Variants in NUP62CL observed in about 807,000 individuals in gnomAD.
The protein encoded by NUP62CL is nucleoporin 62 C-terminal like, also known as nucleoporin-62 C-terminal-like protein.
A neutral mutation model predicts 15.3 loss-of-function variants in NUP62CL; 13 were observed. The observed-to-expected ratio is 0.85, with a 90% CI of 0.55 to 1.35. NUP62CL has a LOEUF of 1.35. Ranked by LOEUF, NUP62CL falls within the 40% of genes most tolerant of loss-of-function variation. The probability of loss-of-function intolerance (pLI) is 0.00; values close to 1 mark genes in which losing one functional copy is unlikely to be tolerated. For missense variants in NUP62CL, 123 were observed against 130.6 expected (o/e 0.94, Z 0.28); for synonymous variants, 54 against 49.2 (o/e 1.10, Z -0.41).
Position 107,145,276 on chromosome X carries a change from G to T in NUP62CL, c.*42+2467C>A, listed in dbSNP as rs749380589. Among the ~76,000 whole-genome samples, 35 of 110,880 alleles carry T rather than the reference G, an allele frequency of 3.2e-4. No homozygotes were observed. In the East Asian group the frequency reaches 9.3e-3, roughly 29 times the overall value. ...ATTAATGCAGAAAATGAAAAATCTAGCATGCCAAATAATAAAATTTGTATT... is the reference window on the plus strand; with the variant it reads ...ATTAATGCAGAAAATGAAAAATCTATCATGCCAAATAATAAAATTTGTATT... On this transcript the variant is annotated intron_variant, in intron 8 of 8. Transcript: ENST00000372466.
At chrX:107,157,653 G>A (rs1479030226) in intron 4 of NUP62CL, among the ~76,000 whole-genome samples, 25 of 107,642 alleles carry the variant, frequency 2.3e-4, no homozygotes, top group East Asian at 1.8e-3. Context: ...AGGAACAACC[G>A]GTACCAGCCG....
At chrX:107,181,499 G>GA (rs1474662500) in intron 2 of NUP62CL, among the ~76,000 whole-genome samples, 1 of 109,830 alleles carries the variant, frequency 9.1e-6, no homozygotes, top group Non-Finnish European at 1.9e-5. Flanking sequence ...TACAGGAAAA[G>GA]AATAAATTTA....
Position 107,124,314 on chromosome X carries a change from A to G in NUP62CL, c.*61T>C, listed in dbSNP as rs754713890. On this transcript the variant is annotated 3_prime_UTR_variant, in exon 9 of 9. Coordinates refer to ENST00000372466, the MANE Select transcript of NUP62CL (RefSeq NM_017681.3). ...CTCGAAAACCCGTGTTACCACTTCT[A>G]CCTTCCTTCGCAGCATGCCTATAGG... 2.4e-5 allele frequency: 8 copies of G among 339,598 alleles called. No homozygotes were observed. The highest frequency in any genetic ancestry group is 5.3e-5 in the South Asian group (2 of 37,894). The allele number at this position is 339,598 out of a possible 1,213,427, so 28.0% of individuals were successfully genotyped here.
chrX:107,169,836 C>G (rs1298988), intron 3 of NUP62CL, among the ~76,000 whole-genome samples: 1 of 111,109 alleles, frequency 9.0e-6, no homozygotes, highest in Non-Finnish European at 1.9e-5. Context: ...ATGAGCCCTT[C>G]TTGTAAAGGA....
Position 107,177,021 on chromosome X carries a change from G to A in NUP62CL, c.-47-1828C>T, listed in dbSNP as rs1039204558. The stretch of plus-strand genomic sequence containing the variant: ...ACACATGTGGATTGAAAAGAAAGAA[G>A]TAAAACTCTCTATTCATAGATGACA... On this transcript the variant is annotated intron_variant, in intron 2 of 8. Transcript: ENST00000372466. Among the ~76,000 whole-genome samples the A allele has an allele frequency of 3.3e-5, 3 of 89,936 alleles. No homozygotes were observed. The Admixed American group carries it at 3.6e-4, about 11-fold the overall frequency. The allele number at this position is 89,936 out of a possible 115,157, so 78.1% of individuals were successfully genotyped here.
chrX:107,158,827 C>T (rs1237035804), intron 4 of NUP62CL, among the ~76,000 whole-genome samples: 1 of 74,649 alleles, frequency 1.3e-5, no homozygotes, highest in Admixed American at 1.5e-4. Flanking sequence ...TTCAAAAAAT[C>T]AGTGAATCCA....
chrX:107,155,195 G>C (rs1181783391), intron 4 of NUP62CL, among the ~76,000 whole-genome samples: 1 of 112,342 alleles, frequency 8.9e-6, no homozygotes, highest in Non-Finnish European at 1.9e-5. Context: ...CGCCTAGTCA[G>C]TACTTTGTCC....
chrX:107,162,007 A>T (rs922768627), intron 4 of NUP62CL, among the ~76,000 whole-genome samples: 1 of 109,584 alleles, frequency 9.1e-6, no homozygotes, highest in Non-Finnish European at 1.9e-5. Context: ...AACAAATGAA[A>T]AAAACAGAAA....
At position 107,206,296 on chromosome X, in the gene NUP62CL, C is replaced by T. The variant is rs757168632; in HGVS notation, c.-115G>A. ...ACCTTACTGGCAAGTCGCCGCCGCTCGCTGTCCGGCCCTGAACTATACGGG... is the reference window on the plus strand; with the variant it reads ...ACCTTACTGGCAAGTCGCCGCCGCTTGCTGTCCGGCCCTGAACTATACGGG... On this transcript the variant is annotated 5_prime_UTR_variant, in exon 1 of 9. Coordinates refer to ENST00000372466, the MANE Select transcript of NUP62CL (RefSeq NM_017681.3). 9.0e-6 allele frequency: 1 copy of T among 111,074 alleles called. No homozygotes were observed. Among genetic ancestry groups the T allele is most frequent in the South Asian group, 4.0e-4 (1 of 2,485 alleles). The allele number at this position is 111,074 out of a possible 1,213,427, so 9.2% of individuals were successfully genotyped here.
chrX:107,161,885 A>G (rs1445633493), intron 4 of NUP62CL, among the ~76,000 whole-genome samples: 1 of 107,832 alleles, frequency 9.3e-6, no homozygotes, highest in East Asian at 2.9e-4. Context: ...CTTGAAAGAG[A>G]AAAGGCAACA....
At chrX:107,125,649 A>G (rs183080881) in intron 8 of NUP62CL, among the ~76,000 whole-genome samples, 12 of 111,679 alleles carry the variant, frequency 1.1e-4, no homozygotes, top group Non-Finnish European at 1.9e-4. Flanking sequence ...TGTAATAACT[A>G]ACTGCGGGGT....
intron 7 of NUP62CL, among the ~76,000 whole-genome samples, chrX:107,152,606 T>A (rs935475746): frequency 3.6e-5 from 4 of 111,698 alleles, no homozygotes; most frequent in African/African-American, 1.3e-4. Context: ...AAAGTTACTT[T>A]GGGAATACTG....
At chrX:107,180,945 C>T (rs1926905186) in intron 2 of NUP62CL, among the ~76,000 whole-genome samples, 1 of 86,341 alleles carries the variant, frequency 1.2e-5, no homozygotes, top group Non-Finnish European at 2.2e-5. Context: ...GGTGGAGTCT[C>T]GCTTTGTCAC....
chrX:107,171,508 A>T (rs1433618598), intron 3 of NUP62CL, among the ~76,000 whole-genome samples: 1 of 112,260 alleles, frequency 8.9e-6, no homozygotes, highest in Admixed American at 9.4e-5. Context: ...GCAAAGTCAC[A>T]TCTTACATGG....
chrX:107,204,045 T>C (rs1333821228), intron 1 of NUP62CL, among the ~76,000 whole-genome samples: 2 of 110,436 alleles, frequency 1.8e-5, no homozygotes, highest in African/African-American at 6.6e-5. Flanking sequence ...ACCATTATTC[T>C]TTTTTTTTAT....
chrX:107,198,380 A>AC (rs1335460938), intron 1 of NUP62CL, among the ~76,000 whole-genome samples: 1 of 111,572 alleles, frequency 9.0e-6, no homozygotes, highest in Non-Finnish European at 1.9e-5. Context: ...AAAGCTGGCC[A>AC]CCCGAGCCAG....
chrX:107,134,303 T>C (rs1403016353), intron 8 of NUP62CL, among the ~76,000 whole-genome samples: 1 of 112,199 alleles, frequency 8.9e-6, no homozygotes, highest in African/African-American at 3.2e-5. Context: ...TGTGTAAAAT[T>C]GCCAATATTT....
intron 8 of NUP62CL, among the ~76,000 whole-genome samples, chrX:107,135,806 A>C (rs1298424315): frequency 1.8e-5 from 2 of 111,312 alleles, no homozygotes; most frequent in Admixed American, 1.9e-4. Context: ...GAAAATGTTA[A>C]ATAAAAATTT....
chrX:107,146,210 G>C (rs1925879708), intron 8 of NUP62CL, among the ~76,000 whole-genome samples: 1 of 111,145 alleles, frequency 9.0e-6, no homozygotes, highest in African/African-American at 3.3e-5. Context: ...AGTAATCTAT[G>C]GAGTGATATT....
Sources: allele counts gnomAD v4.1 joint callset (sites outside exome capture counted in the v4.1 genomes callset), GRCh38; gene constraint gnomAD v4.1.1; transcripts MANE v1.5; gene names NCBI Gene and HGNC (gene_info 2026-07-23, HGNC 2026-07-21).